NIPA1: variants seen among roughly 807,000 people sequenced by gnomAD.
NIPA1 encodes magnesium transporter NIPA1.
In NIPA1, 13 loss-of-function variants were observed where a neutral mutation model predicts 23.9. The ratio of observed to expected loss-of-function variants is 0.54; its 90% CI spans 0.35 to 0.87. The LOEUF is 0.87. Ranked by LOEUF, NIPA1 falls within the 40% of genes least tolerant of loss-of-function variation. The pLI is 0.01. For synonymous variants in NIPA1, 234 were observed against 202.9 expected (o/e 1.15, Z -1.30); for missense variants, 362 against 429.7 (o/e 0.84, Z 1.39).
chr15:22,788,817 G>A (rs531960356), intron 1 of NIPA1, among the ~76,000 whole-genome samples: 136 of 149,108 alleles, frequency 9.1e-4, no homozygotes, highest in Middle Eastern at 3.6e-3. Context: ...TACTCGGGAG[G>A]CTGAGGCAGG....
At chr15:22,821,159 A>G (rs1895531425) in intron 4 of NIPA1, among the ~76,000 whole-genome samples, 1 of 150,506 alleles carries the variant, frequency 6.6e-6, no homozygotes, top group Admixed American at 6.6e-5. Context: ...TAGAGATGGG[A>G]TTTCATCATG....
chr15:22,819,912 G>A (rs1895502498), intron 3 of NIPA1, among the ~76,000 whole-genome samples: 1 of 152,134 alleles, frequency 6.6e-6, no homozygotes, highest in Non-Finnish European at 1.5e-5. Context: ...TGAAAATCCT[G>A]GCCAGGCATG....
At chr15:22,816,756 G>A (rs1595643743) in intron 3 of NIPA1, among the ~76,000 whole-genome samples, 1 of 151,826 alleles carries the variant, frequency 6.6e-6, no homozygotes, top group Non-Finnish European at 1.5e-5. Context: ...CTCCCAAAGT[G>A]CTGGGATTAC....
chr15:22,814,903 AAGCCAGATAACTCTTTGTTGAGGGAGCC>A (rs1411665750), intron 3 of NIPA1, among the ~76,000 whole-genome samples: 2 of 152,146 alleles, frequency 1.3e-5, no homozygotes, highest in African/African-American at 4.8e-5. Flanking sequence ...TTGATGCTTG[AAGCCAGATAACTCTTTGTTGAGGGAGCC>A]ATTCTGTGCA....
chr15:22,825,778 G>A lies in NIPA1; in HGVS notation c.*1539G>A, dbSNP rs1895638649. The A allele has an allele frequency of 6.6e-6, 1 of 152,626 alleles. No individual in the cohort carries two copies. The allele number at this position is 152,626 out of a possible 1,614,324, so 9.5% of individuals were successfully genotyped here. A position where few individuals can be genotyped will look rare whatever the true frequency, so the allele number is the denominator to read the frequency against. Reference sequence around the variant, plus strand: ...TCTCCTTGTTGTTTGCAATGGCAGAGCATCCTAGAGTTCCTCAGCTAACCT... The same window carrying A: ...TCTCCTTGTTGTTTGCAATGGCAGAACATCCTAGAGTTCCTCAGCTAACCT... On this transcript the variant is annotated 3_prime_UTR_variant, in exon 5 of 5. Transcript: ENST00000337435.
At chr15:22,795,414 G>A (rs1894920799) in intron 1 of NIPA1, among the ~76,000 whole-genome samples, 2 of 152,128 alleles carry the variant, frequency 1.3e-5, no homozygotes, top group African/African-American at 2.4e-5. Flanking sequence ...GGCTGGGGCT[G>A]GAGTCAACTC....
At chr15:22,793,123 G>A (rs1894866423) in intron 1 of NIPA1, among the ~76,000 whole-genome samples, 1 of 151,644 alleles carries the variant, frequency 6.6e-6, no homozygotes, top group African/African-American at 2.4e-5. Context: ...ACCAAGGTGG[G>A]CAGATCACCT....
intron 1 of NIPA1, among the ~76,000 whole-genome samples, chr15:22,793,160 G>A (rs1894866945): frequency 2.0e-5 from 3 of 151,368 alleles, no homozygotes; most frequent in Admixed American, 2.0e-4. Context: ...GATCAGCCTG[G>A]CCAACATGAT....
Position 22,800,189 on chromosome 15 carries a change from T to A in NIPA1, c.179-10560T>A, listed in dbSNP as rs77967715. On this transcript the variant is annotated intron_variant, in intron 1 of 4. Transcript: ENST00000337435. ...CAACCACAACAACAACAAATCATCCTTCCTCAGCAATTTCGCTTTATCTAT... is the reference window on the plus strand; with the variant it reads ...CAACCACAACAACAACAAATCATCCATCCTCAGCAATTTCGCTTTATCTAT... Among the ~76,000 whole-genome samples, 750 of 152,114 alleles carry A rather than the reference T, an allele frequency of 4.9e-3. 23 individuals are homozygous for A. The highest frequency in any genetic ancestry group is 0.039 in the Admixed American group (593 of 15,244).
intron 1 of NIPA1, among the ~76,000 whole-genome samples, chr15:22,791,725 C>G (rs975682876): frequency 2.0e-5 from 3 of 152,020 alleles, no homozygotes; most frequent in Non-Finnish European, 4.4e-5. Flanking sequence ...CTCGACCTCC[C>G]AAAGTGCTGG....
At position 22,815,110 on chromosome 15, in the gene NIPA1, A is replaced by T. The variant is rs193139184; in HGVS notation, c.317+2857A>T. The stretch of plus-strand genomic sequence containing the variant: ...GATGTGATTTTTTTTTCCTGTTTTT[A>T]AAAAAAAATCCATTTTAGCATAAGT... On this transcript the variant is annotated intron_variant, in intron 3 of 4. Transcript: ENST00000337435. 2.2e-3 allele frequency among the ~76,000 whole-genome samples: 332 copies of T among 151,822 alleles called. 2 individuals carry two copies. Among genetic ancestry groups the T allele is most frequent in the African/African-American group, 7.3e-3 (302 of 41,390 alleles).
Position 22,801,599 on chromosome 15 carries a change from T to C in NIPA1, c.179-9150T>C, listed in dbSNP as rs191948988. Among the ~76,000 whole-genome samples, 309 of 148,336 alleles carry C rather than the reference T, an allele frequency of 2.1e-3. 2 individuals are homozygous for C. The highest frequency in any genetic ancestry group is 7.4e-3 in the African/African-American group (296 of 39,932). ...GGCATGATCTCGGCTCACTGCAACT[T>C]CCACCTCCCGGGGTTCAAGCAGTTC... On this transcript the variant is annotated intron_variant, in intron 1 of 4. Coordinates refer to ENST00000337435, the MANE Select transcript of NIPA1 (RefSeq NM_144599.5).
intron 1 of NIPA1, among the ~76,000 whole-genome samples, chr15:22,793,791 A>G (rs7163386): frequency 0.07 from 10,666 of 152,174 alleles, 830 homozygotes; most frequent in African/African-American, 0.19. Context: ...GCACATGGCT[A>G]TTAAGTTTTC....
rs557128940 is a variant in NIPA1 at position 22,802,995 on chromosome 15, C to T, written c.179-7754C>T. ...GTGGTGACAGAGACTCTTGCTCTGT[C>T]GCCCATGCTGGAGTGCAGTGGTGCG... On this transcript the variant is annotated intron_variant, in intron 1 of 4. Transcript: ENST00000337435. Among the ~76,000 whole-genome samples the T allele has an allele frequency of 7.2e-4, 110 of 151,890 alleles. 1 individual carries two copies. The highest frequency in any genetic ancestry group is 2.5e-3 in the African/African-American group (105 of 41,404).
rs141385178 is a variant in NIPA1, at chr15:22,795,253, G to C, written c.178+8419G>C. On this transcript the variant is annotated intron_variant, in intron 1 of 4. Transcript: ENST00000337435. ...TTTGAATGGCTCGCAGCCTGTGCTTGGTTTCCTTAATGCTGTTTCCATCAG... is the reference window on the plus strand; with the variant it reads ...TTTGAATGGCTCGCAGCCTGTGCTTCGTTTCCTTAATGCTGTTTCCATCAG... Among the ~76,000 whole-genome samples the C allele has an allele frequency of 4.0e-3, 604 of 152,118 alleles. 15 individuals are homozygous for C. Among genetic ancestry groups the C allele is most frequent in the Admixed American group, 0.036 (550 of 15,238 alleles).
chr15:22,814,510 G>A (rs547259931), intron 3 of NIPA1, among the ~76,000 whole-genome samples: 7 of 152,182 alleles, frequency 4.6e-5, no homozygotes, highest in African/African-American at 1.7e-4. Context: ...CAATATGTAT[G>A]TATATATGTA....
intron 3 of NIPA1, chr15:22,814,177 A>C (rs1366269831): frequency 1.5e-5 from 16 of 1,040,756 alleles, no homozygotes; most frequent in Admixed American, 2.5e-5. Context: ...TTTTAAACAG[A>C]ATAAAACTAA....
intron 2 of NIPA1, among the ~76,000 whole-genome samples, chr15:22,811,744 C>T (rs1474504903): frequency 2.0e-5 from 3 of 152,160 alleles, no homozygotes; most frequent in East Asian, 1.9e-4. Flanking sequence ...CAGTCTTGTG[C>T]GGCAGTACTG....
Position 22,824,380 on chromosome 15 carries a change from G to T in NIPA1, c.*141G>T. The T allele has an allele frequency of 1.2e-6, 1 of 812,096 alleles. No individual in the cohort carries two copies. Among genetic ancestry groups the T allele is most frequent in the Admixed American group, 1.9e-5 (1 of 52,284 alleles). The allele number at this position is 812,096 out of a possible 1,614,324, so 50.3% of individuals were successfully genotyped here. A position where few individuals can be genotyped will look rare whatever the true frequency, so the allele number is the denominator to read the frequency against. On this transcript the variant is annotated 3_prime_UTR_variant, in exon 5 of 5. Transcript: ENST00000337435. This position sits in a 1 kb window ranked among gnomAD's most constrained non-coding sequence, Gnocchi z 4.1. ...AACAGGTGGTCTGGTGGATAGCGGGGAGCATGGCTCAGCACCAGAGCAGAG... is the reference window on the plus strand; with the variant it reads ...AACAGGTGGTCTGGTGGATAGCGGGTAGCATGGCTCAGCACCAGAGCAGAG...
Sources: allele counts gnomAD v4.1 joint callset (sites outside exome capture counted in the v4.1 genomes callset), GRCh38; gene constraint gnomAD v4.1.1; non-coding constraint Gnocchi (gnomAD v3.1); transcripts MANE v1.5; gene names NCBI Gene and HGNC (gene_info 2026-07-23, HGNC 2026-07-21).